EPS8: variants seen among roughly 807,000 people sequenced by gnomAD.
The protein encoded by EPS8 is EGFR pathway substrate 8, signaling adaptor.
Under a neutral mutation model 103.8 loss-of-function variants are expected in EPS8, and 42 were observed. The observed-to-expected ratio is 0.40, with a 90% CI of 0.32 to 0.52. The LOEUF (loss-of-function observed/expected upper bound fraction) is 0.52, where lower values mean the gene tolerates loss of function less well. Among genes scored for constraint, EPS8 ranks in the 20% least tolerant of loss-of-function variants. The pLI is 0.40. For synonymous variants in EPS8, 344 were observed against 344.6 expected, an observed-to-expected ratio of 1.00 and a Z score of 0.02; for missense variants, 969 against 1,005.1, an observed-to-expected ratio of 0.96 and a Z score of 0.49.
intron 15 of EPS8, among the ~76,000 whole-genome samples, chr12:15,646,056 C>T (rs1017176777): frequency 6.6e-6 from 1 of 152,104 alleles, no homozygotes; most frequent in Non-Finnish European, 1.5e-5. Context: ...AATGTTTAAG[C>T]TTCAAAACTG....
intron 1 of EPS8, among the ~76,000 whole-genome samples, chr12:15,724,110 A>G (rs1459671045): frequency 6.6e-6 from 1 of 152,124 alleles, no homozygotes; most frequent in East Asian, 1.9e-4. Flanking sequence ...AGGTTTATGA[A>G]CTTTCAGAAT....
rs542992421 is a variant in EPS8, at chr12:15,729,780, G to A, written c.-21-46808C>T. On this transcript the variant is annotated intron_variant, in intron 1 of 20. Coordinates refer to ENST00000281172, the MANE Select transcript of EPS8 (RefSeq NM_004447.6). The stretch of plus-strand genomic sequence containing the variant: ...CTAGTTTGACTCCACTGTGTTCACA[G>A]AATGCGTGTATGATTTCAATCTGTC... 3.9e-5 allele frequency among the ~76,000 whole-genome samples: 6 copies of A among 152,268 alleles called. No individual in the cohort carries two copies. In the South Asian group the frequency reaches 1.2e-3, roughly 32 times the overall value.
chr12:15,765,486 A>G (rs930632451), intron 1 of EPS8, among the ~76,000 whole-genome samples: 4 of 152,180 alleles, frequency 2.6e-5, no homozygotes, highest in African/African-American at 9.7e-5. Flanking sequence ...GAAAAAAACA[A>G]TAACAGATGC....
intron 15 of EPS8, 67 bp downstream of exon 15, chr12:15,647,060 A>G: frequency 2.1e-6 from 3 of 1,429,292 alleles, no homozygotes; most frequent in Non-Finnish European, 1.9e-6. Flanking sequence ...AGACACTGTC[A>G]CCTCTGTTAG....
At position 15,700,958 on chromosome 12, in the gene EPS8, G is replaced by A. The variant is rs974202211; in HGVS notation, c.-21-17986C>T. 6.6e-6 allele frequency among the ~76,000 whole-genome samples: 1 copy of A among 152,140 alleles called. No individual in the cohort carries two copies. Among genetic ancestry groups the A allele is most frequent in the Non-Finnish European group, 1.5e-5 (1 of 68,030 alleles). Reference sequence around the variant, plus strand: ...TCATAAACATACGGTCAGGAGAAAGGAGACTTTAAAAATAGTCAAAAATTG... The same window carrying A: ...TCATAAACATACGGTCAGGAGAAAGAAGACTTTAAAAATAGTCAAAAATTG... On this transcript the variant is annotated intron_variant, in intron 1 of 20. Coordinates refer to ENST00000281172, the MANE Select transcript of EPS8 (RefSeq NM_004447.6). This position sits in a 1 kb window ranked among gnomAD's most constrained non-coding sequence, Gnocchi z 5.1.
chr12:15,678,829 G>A lies in EPS8; in HGVS notation c.136+2397C>T, dbSNP rs535629788. On this transcript the variant is annotated intron_variant, in intron 3 of 20. Transcript: ENST00000281172. ...CTCTGGAGGCTGAGGCAAGAGAATCGCTTGAACCCTGGAGGCGGAGGCTGC... is the reference window on the plus strand; with the variant it reads ...CTCTGGAGGCTGAGGCAAGAGAATCACTTGAACCCTGGAGGCGGAGGCTGC... Among the ~76,000 whole-genome samples the A allele has an allele frequency of 3.5e-4, 52 of 148,164 alleles. 2 individuals carry two copies. In the South Asian group the frequency reaches 9.7e-3, roughly 28 times the overall value.
chr12:15,777,585 A>G lies in EPS8; in HGVS notation c.-22+11576T>C, dbSNP rs1244533245. 1.3e-5 allele frequency among the ~76,000 whole-genome samples: 2 copies of G among 152,218 alleles called. No individual in the cohort carries two copies. The highest frequency in any genetic ancestry group is 6.5e-5 in the Admixed American group (1 of 15,280). On this transcript the variant is annotated intron_variant, in intron 1 of 20. Transcript: ENST00000281172. The surrounding 1 kb of genome is among the most constrained non-coding windows in gnomAD (Gnocchi z 4.7). ...CTTAACCTTCACTGTCATAACCACT[A>G]TGAATGTCTCTTTTATTCAGACTTC...
chr12:15,766,127 C>T (rs766302555), intron 1 of EPS8, among the ~76,000 whole-genome samples: 4 of 150,088 alleles, frequency 2.7e-5, no homozygotes, highest in Non-Finnish European at 5.9e-5. Context: ...AAAGTTTTAA[C>T]AGAGAAAAAA....
In EPS8 at chr12:15,750,410, T is replaced by A. The variant is rs567236880; in HGVS notation, c.-22+38751A>T. ...AAAGAAATTCCTTTACATATGTCTATCAAGATAAACTCCCCCCACTCAATT... is the reference window on the plus strand; with the variant it reads ...AAAGAAATTCCTTTACATATGTCTAACAAGATAAACTCCCCCCACTCAATT... On this transcript the variant is annotated intron_variant, in intron 1 of 20. Coordinates refer to ENST00000281172, the MANE Select transcript of EPS8 (RefSeq NM_004447.6). Among the ~76,000 whole-genome samples the A allele has an allele frequency of 2.6e-5, 4 of 152,304 alleles. No homozygotes were observed. In the South Asian group the frequency reaches 8.3e-4, roughly 32 times the overall value.
intron 11 of EPS8, among the ~76,000 whole-genome samples, 171 bp downstream of exon 11, chr12:15,658,326 A>G (rs897987423): frequency 3.3e-5 from 5 of 152,200 alleles, no homozygotes; most frequent in African/African-American, 9.6e-5. Flanking sequence ...AGTCTCTTAG[A>G]TATATATGTT....
rs1031034158 is a variant in EPS8, at chr12:15,725,611, T to C, written c.-21-42639A>G. 6.6e-6 allele frequency among the ~76,000 whole-genome samples: 1 copy of C among 152,194 alleles called. No individual in the cohort carries two copies. The highest frequency in any genetic ancestry group is 1.5e-5 in the Non-Finnish European group (1 of 68,024). On this transcript the variant is annotated intron_variant, in intron 1 of 20. Coordinates refer to ENST00000281172, the MANE Select transcript of EPS8 (RefSeq NM_004447.6). This position sits in a 1 kb window ranked among gnomAD's most constrained non-coding sequence, Gnocchi z 4.5. ...TAAAATACGGTGACACAATGGGTCT[T>C]CATCATATGGTGATTCACTCACCAC...
chr12:15,675,761 T>A (rs1253281486), intron 3 of EPS8, among the ~76,000 whole-genome samples: 4 of 152,210 alleles, frequency 2.6e-5, no homozygotes, highest in Non-Finnish European at 5.9e-5. Flanking sequence ...TTTCTAGAGA[T>A]AAAATGACTT....
rs1320915843 is a variant in EPS8, at chr12:15,631,652, C to T, written c.1834G>A (p.Glu612Lys). 2 of 1,610,532 alleles carry T rather than the reference C, an allele frequency of 1.2e-6. No homozygotes were observed. Among genetic ancestry groups the T allele is most frequent in the Non-Finnish European group, 1.7e-6 (2 of 1,178,164 alleles). Residue 612 changes from glutamate to lysine, a missense_variant, in exon 18 of 21, where the codon GAG becomes AAG. By Grantham distance (56) the Glu-to-Lys change is moderately conservative. Transcript: ENST00000281172. ...GTATCAGCTGGTCTTGGGCCATACT[C>T]CATCCTTTGTTTCTATAAAAAGACA... ...YTHTIQKQRM[E>K]YGPRPADTPP...
rs140744259 is a variant in EPS8, at chr12:15,683,294, A to G, written c.-21-322T>C. The G allele has an allele frequency of 1.7e-3, 280 of 165,998 alleles. 1 individual carries two copies. Among genetic ancestry groups the G allele is most frequent in the Admixed American group, 7.6e-3 (118 of 15,590 alleles). 10.3% of individuals were successfully genotyped at this position (165,998 alleles called of 1,614,324 possible). On this transcript the variant is annotated intron_variant, in intron 1 of 20. Transcript: ENST00000281172. The stretch of plus-strand genomic sequence containing the variant: ...TGCCCAAACTCATAATCAACTATCA[A>G]TTTTATGAGATGTTATTTTGTTTAC...
At position 15,695,850 on chromosome 12, in the gene EPS8, C is replaced by T. The variant is rs2135926555; in HGVS notation, c.-21-12878G>A. Among the ~76,000 whole-genome samples, 1 of 152,308 alleles carries T rather than the reference C, an allele frequency of 6.6e-6. No individual in the cohort carries two copies. The highest frequency in any genetic ancestry group is 2.1e-4 in the South Asian group (1 of 4,824). On this transcript the variant is annotated intron_variant, in intron 1 of 20. Transcript: ENST00000281172. This position sits in a 1 kb window ranked among gnomAD's most constrained non-coding sequence, Gnocchi z 5.0. ...ATCAGCCAGACATGGTGGCAGGCACCTGTAATCCCAGCTACTCGGGAGGCT... is the reference window on the plus strand; with the variant it reads ...ATCAGCCAGACATGGTGGCAGGCACTTGTAATCCCAGCTACTCGGGAGGCT...
At chr12:15,670,307 C>T (rs542081847) in intron 4 of EPS8, among the ~76,000 whole-genome samples, 22 of 152,256 alleles carry the variant, frequency 1.4e-4, no homozygotes, top group Non-Finnish European at 2.8e-4. Context: ...AAACCACTTA[C>T]TGAAACAAAA....
At position 15,780,289 on chromosome 12, in the gene EPS8, C is replaced by T. The variant is rs1379496688; in HGVS notation, c.-22+8872G>A. The T allele has an allele frequency of 6.6e-6, 1 of 152,062 alleles. No homozygotes were observed. The highest frequency in any genetic ancestry group is 2.4e-5 in the African/African-American group (1 of 41,400). 9.4% of individuals were successfully genotyped at this position (152,062 alleles called of 1,614,324 possible). A position where few individuals can be genotyped will look rare whatever the true frequency, so the allele number is the denominator to read the frequency against. On this transcript the variant is annotated intron_variant, in intron 1 of 20. Coordinates refer to ENST00000281172, the MANE Select transcript of EPS8 (RefSeq NM_004447.6). The surrounding 1 kb of genome is among the most constrained non-coding windows in gnomAD (Gnocchi z 4.1). ...CTGAATGTGGGAATGTGCAGAATTT[C>T]CCACCACTCCCATCATGCCAACCTA...
chr12:15,679,492 GA>G (rs1200971423), intron 3 of EPS8, among the ~76,000 whole-genome samples: 3 of 152,170 alleles, frequency 2.0e-5, no homozygotes, highest in African/African-American at 7.2e-5. Context: ...AGGGAATCCT[GA>G]AGTGAACAAG....
chr12:15,666,383 GA>G, intron 7 of EPS8, 56 bp downstream of exon 7: 10 of 1,333,844 alleles, frequency 7.5e-6, no homozygotes, highest in Admixed American at 1.8e-5. Context: ...ACTCTTTGGG[GA>G]AAAAAGCCTT....
Sources: gnomAD v4.1 joint callset for allele counts (sites outside exome capture counted in the v4.1 genomes callset) on GRCh38, gnomAD v4.1.1 for gene constraint, Gnocchi (gnomAD v3.1) non-coding constraint, MANE v1.5 for transcripts, NCBI Gene and HGNC (gene_info 2026-07-23, HGNC 2026-07-21) for gene names.